Variants in CMTM4 observed in about 807,000 individuals in gnomAD.
CMTM4 encodes the protein CKLF like MARVEL transmembrane domain containing 4.
A neutral mutation model predicts 19.0 loss-of-function variants in CMTM4; 8 were observed. That is an observed-to-expected ratio of 0.42 (90% confidence interval 0.25 to 0.76). The LOEUF is 0.76. CMTM4 is among the 30% of genes least tolerant of loss of function. The pLI, the probability that CMTM4 is intolerant of heterozygous loss-of-function variation, is 0.27. For synonymous variants in CMTM4, 106 were observed against 121.1 expected (o/e 0.88, Z 0.82); for missense variants, 228 against 290.2 (o/e 0.79, Z 1.56).
chr16:66,671,008 T>C (rs919418715), intron 1 of CMTM4, among the ~76,000 whole-genome samples: 3 of 152,172 alleles, frequency 2.0e-5, no homozygotes, highest in African/African-American at 7.2e-5. Context: ...TTTTTCTACA[T>C]CAGTCTGACT....
intron 1 of CMTM4, among the ~76,000 whole-genome samples, chr16:66,662,184 C>A (rs2016510514): frequency 6.6e-6 from 1 of 152,190 alleles, no homozygotes; most frequent in South Asian, 2.1e-4. Flanking sequence ...CCTGTCTGTC[C>A]CACTGAATGC....
chr16:66,638,951 T>C (rs577314465), intron 1 of CMTM4, among the ~76,000 whole-genome samples: 9 of 151,494 alleles, frequency 5.9e-5, no homozygotes, highest in Non-Finnish European at 1.3e-4. Context: ...GTATGTGAGA[T>C]AATGCACGTT....
At chr16:66,662,379 A>G (rs528272136) in intron 1 of CMTM4, among the ~76,000 whole-genome samples, 1 of 152,328 alleles carries the variant, frequency 6.6e-6, no homozygotes, top group South Asian at 2.1e-4. Context: ...AAAAACCCAG[A>G]AAAGAGAGCC....
intron 1 of CMTM4, among the ~76,000 whole-genome samples, chr16:66,648,595 C>G (rs1483381354): frequency 6.6e-6 from 1 of 151,508 alleles, no homozygotes; most frequent in Non-Finnish European, 1.5e-5. Flanking sequence ...GAGGCGGAGG[C>G]TGCAGTGAGC....
intron 2 of CMTM4, among the ~76,000 whole-genome samples, chr16:66,625,754 C>G (rs1315040237): frequency 1.3e-5 from 2 of 152,238 alleles, no homozygotes; most frequent in Admixed American, 1.3e-4. Context: ...TACTGAAGCA[C>G]TTGCTTAAAA....
chr16:66,683,161 G>GTATA (rs201948614), intron 1 of CMTM4, among the ~76,000 whole-genome samples: 5 of 81,488 alleles, frequency 6.1e-5, no homozygotes, highest in Admixed American at 5.1e-4. Flanking sequence ...ATATATATAC[G>GTATA]TATATATATA....
Position 66,696,294 on chromosome 16 carries a change from G to A in CMTM4, c.186+46C>T, listed in dbSNP as rs1293156355. On this transcript the variant is annotated intron_variant, in intron 1 of 3. Transcript: ENST00000394106. The surrounding 1 kb of genome is among the most constrained non-coding windows in gnomAD (Gnocchi z 4.3). ...CGCAGCGGGGCGGGGAGGGAGGCGT[G>A]CGGCTAGGCCGCCCTCGGGCACCTG... 2.4e-6 allele frequency: 3 copies of A among 1,256,374 alleles called. No homozygotes were observed. Among genetic ancestry groups the A allele is most frequent in the Non-Finnish European group, 3.0e-6 (3 of 993,820 alleles). The allele number at this position is 1,256,374 out of a possible 1,614,324, so 77.8% of individuals were successfully genotyped here.
Position 66,615,183 on chromosome 16 carries a change from T to C in CMTM4, c.*6875A>G, listed in dbSNP as rs185066987. The C allele has an allele frequency of 1.3e-5, 2 of 152,376 alleles. No individual in the cohort carries two copies. The highest frequency in any genetic ancestry group is 2.9e-5 in the Non-Finnish European group (2 of 68,038). The allele number at this position is 152,376 out of a possible 1,614,324, so 9.4% of individuals were successfully genotyped here. A position where few individuals can be genotyped will look rare whatever the true frequency, so the allele number is the denominator to read the frequency against. On this transcript the variant is annotated 3_prime_UTR_variant, in exon 4 of 4. Coordinates refer to ENST00000394106, the MANE Select transcript of CMTM4 (RefSeq NM_181521.3). This position sits in a 1 kb window ranked among gnomAD's most constrained non-coding sequence, Gnocchi z 4.9. Reference sequence around the variant, plus strand: ...AAGAGACTTGATGAGTAAAATGTGATAGTTGTTAACATTGCCCCCCAAAAG... The same window carrying C: ...AAGAGACTTGATGAGTAAAATGTGACAGTTGTTAACATTGCCCCCCAAAAG...
At chr16:66,632,340 C>A (rs952779531) in intron 2 of CMTM4, among the ~76,000 whole-genome samples, 1 of 152,012 alleles carries the variant, frequency 6.6e-6, no homozygotes, top group East Asian at 1.9e-4. Flanking sequence ...AGATGAATTG[C>A]GGAAGACCAC....
rs151248711 is a variant in CMTM4, at chr16:66,663,697, C to A, written c.187-27116G>T. On this transcript the variant is annotated intron_variant, in intron 1 of 3. Coordinates refer to ENST00000394106, the MANE Select transcript of CMTM4 (RefSeq NM_181521.3). ...AGCTGGGATTACAGGCAAGCGCCGC[C>A]ACACCGAGCTAATTTTTGTATTTTT... 9.4e-4 allele frequency among the ~76,000 whole-genome samples: 142 copies of A among 151,762 alleles called. No homozygotes were observed. The East Asian group carries it at 0.023, about 24-fold the overall frequency.
chr16:66,604,641 G>C, the CMTM4 span: 2 of 485,486 alleles, frequency 4.1e-6, no homozygotes, highest in Non-Finnish European at 6.2e-6. Flanking sequence ...GGAGGGGCGG[G>C]CTGGAGGAGC....
Position 66,638,718 on chromosome 16 carries a change from A to G in CMTM4, c.187-2137T>C, listed in dbSNP as rs1266420349. 2.0e-5 allele frequency among the ~76,000 whole-genome samples: 3 copies of G among 151,866 alleles called. No individual in the cohort carries two copies. In the East Asian group the frequency reaches 5.8e-4, roughly 29 times the overall value. ...TACTAAAAATACAAAAATTAGATGG[A>G]CATGGTGGTGGGCGCCTGTAATCCT... On this transcript the variant is annotated intron_variant, in intron 1 of 3. Coordinates refer to ENST00000394106, the MANE Select transcript of CMTM4 (RefSeq NM_181521.3).
chr16:66,609,565 A>G, the CMTM4 span: 6 of 1,556,180 alleles, frequency 3.9e-6, no homozygotes, highest in Non-Finnish European at 5.2e-6. The surrounding 1 kb of genome is among the most constrained non-coding windows in gnomAD (Gnocchi z 4.4). Flanking sequence ...GAAACTGCAG[A>G]TGCCCCTCTA....
intron 1 of CMTM4, among the ~76,000 whole-genome samples, chr16:66,650,013 G>T (rs1187682103): frequency 1.3e-5 from 2 of 152,184 alleles, no homozygotes; most frequent in African/African-American, 2.4e-5. Context: ...CAGGTGCGTG[G>T]CTCGGTGCCC....
intron 1 of CMTM4, among the ~76,000 whole-genome samples, chr16:66,663,062 T>C (rs1360525565): frequency 1.3e-5 from 2 of 152,194 alleles, no homozygotes; most frequent in Admixed American, 6.5e-5. Flanking sequence ...ACAGAATTGA[T>C]ATTGAACCTT....
intron 1 of CMTM4, among the ~76,000 whole-genome samples, chr16:66,658,380 CA>C (rs201677342): frequency 6.6e-6 from 1 of 151,414 alleles, no homozygotes; most frequent in African/African-American, 2.4e-5. Flanking sequence ...TGAACTCAAC[CA>C]AAAAAACATT....
chr16:66,690,312 T>G lies in CMTM4; in HGVS notation c.186+6028A>C, dbSNP rs562680938. On this transcript the variant is annotated intron_variant, in intron 1 of 3. Transcript: ENST00000394106. ...TCACGGTTTGACCAGGGTCATTGTGTGTCTGCCTGGTCATTTGACCAGCTC... is the reference window on the plus strand; with the variant it reads ...TCACGGTTTGACCAGGGTCATTGTGGGTCTGCCTGGTCATTTGACCAGCTC... 1.9e-4 allele frequency among the ~76,000 whole-genome samples: 29 copies of G among 152,334 alleles called. 1 individual carries two copies. The Middle Eastern group carries it at 0.02, about 107-fold the overall frequency.
At chr16:66,674,500 C>T (rs2016769823) in intron 1 of CMTM4, among the ~76,000 whole-genome samples, 1 of 152,012 alleles carries the variant, frequency 6.6e-6, no homozygotes, top group South Asian at 2.1e-4. Context: ...GTCTCTACTG[C>T]CCATCACACA....
chr16:66,692,888 C>CA (rs1209584313), intron 1 of CMTM4, among the ~76,000 whole-genome samples: 1 of 142,992 alleles, frequency 7.0e-6, no homozygotes, highest in Non-Finnish European at 1.5e-5. Context: ...GCCTGGGTGA[C>CA]AGAGCAAGAC....
Sources: allele counts gnomAD v4.1 joint callset (sites outside exome capture counted in the v4.1 genomes callset), GRCh38; gene constraint gnomAD v4.1.1; non-coding constraint Gnocchi (gnomAD v3.1); transcripts MANE v1.5; gene names NCBI Gene and HGNC (gene_info 2026-07-23, HGNC 2026-07-21).